The following NLGN4X variants were observed in gnomAD, a reference collection of about 807,000 sequenced individuals.
NLGN4X encodes neuroligin-4, X-linked.
NLGN4X carries 3 observed loss-of-function variants against 40.3 expected under a neutral mutation model. That is an observed-to-expected ratio of 0.07 (90% CI 0.03 to 0.19). The LOEUF (loss-of-function observed/expected upper bound fraction) is 0.19, where lower values mean the gene tolerates loss of function less well. NLGN4X is among the 10% of genes least tolerant of loss of function. The pLI, the probability that NLGN4X is intolerant of heterozygous loss-of-function variation, is 1.00. For synonymous variants in NLGN4X, 270 were observed against 306.8 expected, an observed-to-expected ratio of 0.88 and a Z score of 1.25; for missense variants, 382 against 708.3, an observed-to-expected ratio of 0.54 and a Z score of 5.23.
At chrX:6,101,814 CT>C (rs563023754) in intron 2 of NLGN4X, among the ~76,000 whole-genome samples, 21 of 98,692 alleles carry the variant, frequency 2.1e-4, no homozygotes, top group East Asian at 3.2e-4. Context: ...TTTAATTGTA[CT>C]TTTTTTTTTT....
rs188486617 is a variant in NLGN4X, at chrX:6,114,321, T to C, written c.472+36674A>G. The stretch of plus-strand genomic sequence containing the variant: ...GTTTATTTTATACTTATGGAATTTA[T>C]TGGGACAAATTCCAAGGTTGTGCTG... On this transcript the variant is annotated intron_variant, in intron 2 of 5. Coordinates refer to ENST00000381095, the MANE Select transcript of NLGN4X (RefSeq NM_181332.3). 4.0e-3 allele frequency among the ~76,000 whole-genome samples: 442 copies of C among 111,530 alleles called. 2 individuals carry two copies. The highest frequency in any genetic ancestry group is 0.014 in the African/African-American group (423 of 30,673).
At chrX:6,228,278 G>A (rs1926560250) in intron 1 of NLGN4X, among the ~76,000 whole-genome samples, 1 of 111,470 alleles carries the variant, frequency 9.0e-6, no homozygotes, top group East Asian at 2.8e-4. Flanking sequence ...ATATTTCTGT[G>A]GAGAGGTTGC....
chrX:5,912,945 AAGGAGGGAGGGAGG>A (rs2032563515), intron 3 of NLGN4X, among the ~76,000 whole-genome samples: 1 of 41,030 alleles, frequency 2.4e-5, no homozygotes, highest in Non-Finnish European at 4.2e-5. Context: ...GGAGGGAGGG[AAGGAGGGAGGGAGG>A]GAAGGAGGGA....
At chrX:6,114,560 A>AC (rs1491324390) in intron 2 of NLGN4X, among the ~76,000 whole-genome samples, 61 of 107,970 alleles carry the variant, frequency 5.6e-4, no homozygotes, top group Non-Finnish European at 8.2e-4. Flanking sequence ...ACACACACAC[A>AC]AACATGCACA....
At chrX:5,965,351 A>C (rs2034798278) in intron 3 of NLGN4X, among the ~76,000 whole-genome samples, 1 of 112,116 alleles carries the variant, frequency 8.9e-6, no homozygotes, top group Non-Finnish European at 1.9e-5. Context: ...TGGGATAGTC[A>C]ATAAATGGAC....
chrX:6,192,128 C>A, intron 1 of NLGN4X, among the ~76,000 whole-genome samples: 1 of 110,842 alleles, frequency 9.0e-6, no homozygotes, highest in South Asian at 3.9e-4. Flanking sequence ...ACATTGTTTT[C>A]ACCTAATTTT....
intron 2 of NLGN4X, among the ~76,000 whole-genome samples, chrX:6,050,713 CATCT>C (rs745694457): frequency 4.9e-4 from 54 of 111,245 alleles, no homozygotes; most frequent in African/African-American, 1.6e-3. Flanking sequence ...ACACATATAT[CATCT>C]ATCTACCTTT....
intron 3 of NLGN4X, among the ~76,000 whole-genome samples, chrX:5,911,009 C>T (rs2032449706): frequency 9.0e-6 from 1 of 111,566 alleles, no homozygotes; most frequent in Admixed American, 9.5e-5. Context: ...TTCTGCAACA[C>T]CTGTCTCCAT....
chrX:6,194,162 G>A (rs759129020), intron 1 of NLGN4X, among the ~76,000 whole-genome samples: 1 of 111,332 alleles, frequency 9.0e-6, no homozygotes, highest in Non-Finnish European at 1.9e-5. Flanking sequence ...CAGCCTGGGC[G>A]ACAGAGCAAG....
intron 2 of NLGN4X, among the ~76,000 whole-genome samples, chrX:6,082,948 G>GGTTTTTTTTT (rs2038390927): frequency 1.4e-5 from 1 of 70,377 alleles, no homozygotes; most frequent in African/African-American, 4.8e-5. Context: ...GCCATGATGC[G>GGTTTTTTTTT]TTTTTTTCTT....
At chrX:6,054,445 T>C (rs895635149) in intron 2 of NLGN4X, among the ~76,000 whole-genome samples, 2 of 110,159 alleles carry the variant, frequency 1.8e-5, no homozygotes, top group South Asian at 3.9e-4. Flanking sequence ...CGAGACCCTG[T>C]TTCTACAAAA....
chrX:6,103,595 T>C (rs2038967753), intron 2 of NLGN4X, among the ~76,000 whole-genome samples: 1 of 111,595 alleles, frequency 9.0e-6, no homozygotes, highest in South Asian at 3.8e-4. Context: ...AGTCAGTGAA[T>C]CTCAAATCGT....
rs1235182311 is a variant in NLGN4X, at chrX:6,056,475, C to CA, written c.473-27044dup. On this transcript the variant is annotated intron_variant, in intron 2 of 5. Coordinates refer to ENST00000381095, the MANE Select transcript of NLGN4X (RefSeq NM_181332.3). ...AGGGTGATAGAGGGAGATTCCATCT[C>CA]AAAAAAAAAAAAAGATAAAACATAG... 9.2e-3 allele frequency among the ~76,000 whole-genome samples: 851 copies of CA among 92,496 alleles called. 5 individuals carry two copies. The highest frequency in any genetic ancestry group is 0.023 in the African/African-American group (577 of 25,344). 80.3% of individuals were successfully genotyped at this position (92,496 alleles called of 115,157 possible).
chrX:5,974,907 A>G (rs2035130457), intron 3 of NLGN4X, among the ~76,000 whole-genome samples: 6 of 111,869 alleles, frequency 5.4e-5, no homozygotes, highest in Admixed American at 3.8e-4. Flanking sequence ...TGTTAACTGA[A>G]ATAAGGGTTA....
chrX:5,900,701 G>A (rs1368261787), intron 5 of NLGN4X, among the ~76,000 whole-genome samples: 3 of 106,043 alleles, frequency 2.8e-5, no homozygotes, highest in African/African-American at 1.0e-4. Flanking sequence ...AGCCTCCTGA[G>A]AAGCTGAGAC....
chrX:5,995,825 T>A (rs2035802658), intron 3 of NLGN4X, among the ~76,000 whole-genome samples: 1 of 111,948 alleles, frequency 8.9e-6, no homozygotes, highest in Non-Finnish European at 1.9e-5. Context: ...TTCACTGACA[T>A]CTGGATCCAG....
chrX:6,102,500 C>A (rs2038932464), intron 2 of NLGN4X, among the ~76,000 whole-genome samples: 1 of 110,598 alleles, frequency 9.0e-6, no homozygotes, highest in Non-Finnish European at 1.9e-5. Context: ...GGAAGTGGGT[C>A]CCCACCAGAC....
At chrX:6,078,608 C>A (rs761461328) in intron 2 of NLGN4X, among the ~76,000 whole-genome samples, 3 of 111,757 alleles carry the variant, frequency 2.7e-5, no homozygotes, top group Non-Finnish European at 5.6e-5. Context: ...CCCCAAGATG[C>A]AGCATATCAT....
intron 2 of NLGN4X, among the ~76,000 whole-genome samples, chrX:6,042,277 G>T (rs1408439467): frequency 3.6e-5 from 4 of 111,169 alleles, no homozygotes; most frequent in Non-Finnish European, 7.5e-5. Flanking sequence ...TTACAGGTAG[G>T]AATCAAAATA....
Sources: allele counts gnomAD v4.1 joint callset (sites outside exome capture counted in the v4.1 genomes callset), GRCh38; gene constraint gnomAD v4.1.1; transcripts MANE v1.5; gene names NCBI Gene and HGNC (gene_info 2026-07-23, HGNC 2026-07-21).